GKAP1: variants seen among roughly 807,000 people sequenced by gnomAD.
GKAP1 encodes G kinase-anchoring protein 1.
A neutral mutation model predicts 56.7 loss-of-function variants in GKAP1; 31 were observed. The observed-to-expected ratio is 0.55, with a 90% CI of 0.41 to 0.74. GKAP1 has a LOEUF of 0.74. Among genes scored for constraint, GKAP1 ranks in the 30% least tolerant of loss-of-function variants. The pLI, the probability that GKAP1 is intolerant of heterozygous loss-of-function variation, is 0.00. For synonymous variants in GKAP1, 151 were observed against 138.6 expected (o/e 1.09, Z -0.63); for missense variants, 364 against 402.3 (o/e 0.90, Z 0.82).
At chr9:83,751,993 G>A (rs893088810) in intron 9 of GKAP1, among the ~76,000 whole-genome samples, 1 of 152,118 alleles carries the variant, frequency 6.6e-6, no homozygotes, top group African/African-American at 2.4e-5. Context: ...AGAACTGAAA[G>A]CAAGGACTCA....
intron 5 of GKAP1, among the ~76,000 whole-genome samples, chr9:83,786,541 CAAAAA>C (rs57485843): frequency 2.2e-5 from 3 of 135,144 alleles, no homozygotes; most frequent in African/African-American, 8.6e-5. Context: ...AACTCTGTCT[CAAAAA>C]AAAAAAAGAA....
chr9:83,792,915 C>T (rs1459654866), intron 4 of GKAP1: 3 of 663,706 alleles, frequency 4.5e-6, no homozygotes, highest in Non-Finnish European at 6.0e-6. Flanking sequence ...AAATAGCAGG[C>T]ACTAAAATGC....
intron 6 of GKAP1, among the ~76,000 whole-genome samples, chr9:83,781,727 A>T (rs1474104630): frequency 1.3e-5 from 2 of 152,200 alleles, no homozygotes; most frequent in Non-Finnish European, 2.9e-5. Flanking sequence ...TCTCTTTAAT[A>T]ACATACTGAT....
At chr9:83,812,863 A>ACTAT (rs944018552) in intron 2 of GKAP1, among the ~76,000 whole-genome samples, 1 of 152,214 alleles carries the variant, frequency 6.6e-6, no homozygotes, top group African/African-American at 2.4e-5. Context: ...ACAGAGAGCA[A>ACTAT]CTATCGAAGA....
chr9:83,813,219 T>C (rs1207716476), intron 2 of GKAP1, among the ~76,000 whole-genome samples: 2 of 152,226 alleles, frequency 1.3e-5, no homozygotes, highest in Non-Finnish European at 2.9e-5. Flanking sequence ...CTTTAAAATT[T>C]AGATGCTTCT....
At chr9:83,807,331 G>A (rs1413454102) in intron 2 of GKAP1, among the ~76,000 whole-genome samples, 5 of 152,092 alleles carry the variant, frequency 3.3e-5, no homozygotes, top group Non-Finnish European at 5.9e-5. Context: ...GGAAGTTAGC[G>A]GCTGAGTCTC....
chr9:83,755,507 A>G (rs1252681862), intron 8 of GKAP1, among the ~76,000 whole-genome samples: 1 of 152,128 alleles, frequency 6.6e-6, no homozygotes, highest in Admixed American at 6.6e-5. Context: ...ATACTGTTTT[A>G]CTTTTGAATA....
At chr9:83,779,092 C>T (rs542373507) in intron 7 of GKAP1, among the ~76,000 whole-genome samples, 1 of 152,002 alleles carries the variant, frequency 6.6e-6, no homozygotes, top group Non-Finnish European at 1.5e-5. Flanking sequence ...ATTTGTATAA[C>T]ACTATCCCCC....
chr9:83,784,879 A>T, intron 5 of GKAP1, 41 bp from the exon 6 acceptor site: 1 of 1,449,722 alleles, frequency 6.9e-7, no homozygotes, highest in Non-Finnish European at 9.3e-7. Flanking sequence ...CAGTTTACAA[A>T]CTGTAAAATA....
intron 3 of GKAP1, among the ~76,000 whole-genome samples, chr9:83,801,002 A>G (rs1944322955): frequency 6.6e-6 from 1 of 152,210 alleles, no homozygotes; most frequent in African/African-American, 2.4e-5. Context: ...TATCCTCCCT[A>G]AAGATACCTT....
chr9:83,764,387 A>G (rs1943626068), intron 8 of GKAP1, among the ~76,000 whole-genome samples: 1 of 152,150 alleles, frequency 6.6e-6, no homozygotes, highest in Non-Finnish European at 1.5e-5. Flanking sequence ...GCCTTCCACC[A>G]TGATTGTAAG....
chr9:83,817,052 A>G lies in GKAP1; in HGVS notation c.-100T>C, dbSNP rs919754457. Reference sequence around the variant, plus strand: ...ATAGGCTGTTAACCGATGCTCCGAAACTTATTCGCAAAGTACATAGAGAAA... The same window carrying G: ...ATAGGCTGTTAACCGATGCTCCGAAGCTTATTCGCAAAGTACATAGAGAAA... On this transcript the variant is annotated 5_prime_UTR_variant, in exon 2 of 13. Transcript: ENST00000376371. 12 of 152,212 alleles carry G rather than the reference A, an allele frequency of 7.9e-5. No homozygotes were observed. The highest frequency in any genetic ancestry group is 1.0e-4 in the Non-Finnish European group (7 of 68,028). The allele number at this position is 152,212 out of a possible 1,614,324, so 9.4% of individuals were successfully genotyped here.
At chr9:83,781,846 C>CTT (rs147452137) in intron 6 of GKAP1, among the ~76,000 whole-genome samples, 73,983 of 137,860 alleles carry the variant, frequency 0.54, 20,737 homozygotes, top group Admixed American at 0.67. Context: ...TGTATTTCTT[C>CTT]TTTTTTTTTT....
chr9:83,788,606 TG>T lies in GKAP1; in HGVS notation c.432del (p.His144GlnfsTer18). On this transcript the variant is annotated frameshift_variant, in exon 5 of 13. Coordinates refer to ENST00000376371, the MANE Select transcript of GKAP1 (RefSeq NM_025211.4). LOFTEE classifies it high-confidence loss of function. ...ATCAGTAAGTATGTAAATACCTTTTTGTGCTCTTCATATTCTAGTTTACTTA... is the reference window on the plus strand; with the variant it reads ...ATCAGTAAGTATGTAAATACCTTTTTTGCTCTTCATATTCTAGTTTACTTA... The part of the protein sequence containing the change: ...LLLSKLEYEE[H>X]KKEYEDAENT... 6.4e-7 allele frequency: 1 copy of T among 1,552,940 alleles called. No homozygotes were observed. Among genetic ancestry groups the T allele is most frequent in the Non-Finnish European group, 8.8e-7 (1 of 1,133,674 alleles).
Position 83,739,819 on chromosome 9 carries a change from G to A in GKAP1, c.1054-75C>T, listed in dbSNP as rs865804547. On this transcript the variant is annotated intron_variant, in intron 12 of 12. Coordinates refer to ENST00000376371, the MANE Select transcript of GKAP1 (RefSeq NM_025211.4). ...GGGACCACTTCATTTAAAAAATATA[G>A]ACCAAAGGCATCTTGGGGTATGAGA... The A allele has an allele frequency of 8.0e-5, 95 of 1,188,912 alleles. No homozygotes were observed. In the African/African-American group the frequency reaches 1.2e-3, roughly 15 times the overall value. 73.6% of individuals were successfully genotyped at this position (1,188,912 alleles called of 1,614,324 possible). A position where few individuals can be genotyped will look rare whatever the true frequency, so the allele number is the denominator to read the frequency against.
intron 2 of GKAP1, among the ~76,000 whole-genome samples, chr9:83,813,500 A>T (rs1944540273): frequency 6.6e-6 from 1 of 152,228 alleles, no homozygotes; most frequent in South Asian, 2.1e-4. Flanking sequence ...GCACACCTGT[A>T]ATTTCAGCAA....
At chr9:83,806,681 G>T in intron 2 of GKAP1, 121 bp from the exon 3 acceptor site, 2 of 589,148 alleles carry the variant, frequency 3.4e-6, no homozygotes. Context: ...TAGTAAATTT[G>T]GATTAATACC....
intron 3 of GKAP1, among the ~76,000 whole-genome samples, chr9:83,800,235 G>A (rs1944308601): frequency 6.6e-6 from 1 of 151,104 alleles, no homozygotes; most frequent in Non-Finnish European, 1.5e-5. Context: ...ATTAAGTTTA[G>A]CCAGCAGACA....
intron 8 of GKAP1, among the ~76,000 whole-genome samples, chr9:83,760,201 A>C (rs558554462): frequency 8.3e-4 from 127 of 152,328 alleles, no homozygotes; most frequent in African/African-American, 2.8e-3. Flanking sequence ...GGGAAACCAA[A>C]AAAGAGCAGG....
Sources: gnomAD v4.1 joint callset for allele counts (sites outside exome capture counted in the v4.1 genomes callset) on GRCh38, gnomAD v4.1.1 for gene constraint, MANE v1.5 for transcripts, NCBI Gene and HGNC (gene_info 2026-07-23, HGNC 2026-07-21) for gene names.